C2CD5: variants seen among roughly 807,000 people sequenced by gnomAD.
The protein encoded by C2CD5 is C2 domain-containing protein 5.
Under a neutral mutation model 130.3 loss-of-function variants are expected in C2CD5, and 109 were observed. The observed-to-expected ratio is 0.84, with a 90% CI of 0.72 to 0.98. The LOEUF is 0.98. C2CD5 is among the 50% of genes least tolerant of loss of function. The pLI, the probability that C2CD5 is intolerant of heterozygous loss-of-function variation, is 0.00. For synonymous variants in C2CD5, 454 were observed against 429.2 expected (o/e 1.06, Z -0.71); for missense variants, 996 against 1,261.8 (o/e 0.79, Z 3.19).
intron 15 of C2CD5, 60 bp downstream of exon 15, chr12:22,478,253 C>T: frequency 7.0e-7 from 1 of 1,419,314 alleles, no homozygotes; most frequent in Non-Finnish European, 9.9e-7. Flanking sequence ...ATAAGATAAC[C>T]TAAAAATATA....
intron 10 of C2CD5, among the ~76,000 whole-genome samples, chr12:22,499,966 T>G (rs201170196): frequency 6.6e-6 from 1 of 152,146 alleles, no homozygotes; most frequent in African/African-American, 2.4e-5. Context: ...GGCAGATGGA[T>G]CCCTTGAGGT....
At chr12:22,469,561 C>T (rs1942680723) in intron 22 of C2CD5, 148 bp downstream of exon 22, 1 of 478,604 alleles carries the variant, frequency 2.1e-6, no homozygotes, top group Non-Finnish European at 3.7e-6. Context: ...ACATTAATTT[C>T]TCCCCTTTAT....
Position 22,474,904 on chromosome 12 carries a change from T to C in C2CD5, c.1903-13A>G, listed in dbSNP as rs1407628000. The C allele has an allele frequency of 2.6e-6, 4 of 1,541,524 alleles. No individual in the cohort carries two copies. Among genetic ancestry groups the C allele is most frequent in the Admixed American group, 3.9e-5 (2 of 51,306 alleles). ...CTTCAGATATCTCCTAAAAGAAATA[T>C]AATTGTTTTATATCATATGAGATTG... is the stretch of plus-strand genomic sequence containing the variant. On this transcript the variant is annotated splice_polypyrimidine_tract_variant and intron_variant, in intron 15 of 26. Transcript: ENST00000446597.
rs942904131 is a variant in C2CD5 at position 22,493,158 on chromosome 12, CTT to C, written c.1262+63_1262+64del. 5.4e-5 allele frequency: 48 copies of C among 890,364 alleles called. No homozygotes were observed. In the South Asian group the frequency reaches 5.7e-4, roughly 11 times the overall value. The allele number at this position is 890,364 out of a possible 1,614,324, so 55.2% of individuals were successfully genotyped here. A position where few individuals can be genotyped will look rare whatever the true frequency, so the allele number is the denominator to read the frequency against. On this transcript the variant is annotated intron_variant, in intron 11 of 26. Coordinates refer to ENST00000446597, the MANE Select transcript of C2CD5 (RefSeq NM_001286176.2). ...TCTCTTTTCTTTTATTTGCATGAAG[CTT>C]TTCCCCTTTCAGATGGCAGTCTAAA...
chr12:22,498,570 C>A (rs1324856863), intron 10 of C2CD5, among the ~76,000 whole-genome samples: 1 of 152,110 alleles, frequency 6.6e-6, no homozygotes, highest in Admixed American at 6.6e-5. Context: ...ATTTTCTAAA[C>A]AACTATAATT....
At chr12:22,489,501 A>G (rs1190744201) in intron 12 of C2CD5, among the ~76,000 whole-genome samples, 6 of 152,090 alleles carry the variant, frequency 3.9e-5, no homozygotes, top group Non-Finnish European at 8.8e-5. Flanking sequence ...GAAATGATGA[A>G]CAGGTATTAT....
chr12:22,483,655 G>C (rs886453592), intron 13 of C2CD5, among the ~76,000 whole-genome samples: 3 of 152,062 alleles, frequency 2.0e-5, no homozygotes, highest in Non-Finnish European at 4.4e-5. Flanking sequence ...GAAGGTCTAA[G>C]ATTCAAGAGG....
intron 3 of C2CD5, among the ~76,000 whole-genome samples, chr12:22,529,995 A>G (rs965686567): frequency 6.6e-6 from 1 of 150,838 alleles, no homozygotes; most frequent in African/African-American, 2.4e-5. Context: ...GAGCAACCAC[A>G]CTACCCTTAC....
Position 22,540,841 on chromosome 12 carries a change from A to G in C2CD5, c.90+3220T>C, listed in dbSNP as rs1030313748. The stretch of plus-strand genomic sequence containing the variant: ...GCCACTACACTCCAGCCTGGGTGAA[A>G]GAGCAAGACTCTATCTCAAAAAAAT... On this transcript the variant is annotated intron_variant, in intron 2 of 26. Transcript: ENST00000446597. Among the ~76,000 whole-genome samples, 4 of 152,240 alleles carry G rather than the reference A, an allele frequency of 2.6e-5. No homozygotes were observed. The South Asian group carries it at 8.3e-4, about 31-fold the overall frequency.
chr12:22,514,282 C>G (rs1237302733), intron 8 of C2CD5, among the ~76,000 whole-genome samples: 2 of 152,110 alleles, frequency 1.3e-5, no homozygotes, highest in African/African-American at 2.4e-5. Context: ...TTAACTTTTA[C>G]ATTTTTAGCT....
rs748157713 is a variant in C2CD5 at position 22,513,357 on chromosome 12, T to C, written c.975A>G (p.Gly325=). ...GAGCTTTAAAGGGCCCCCCTTCTTT[T>C]CCAGCACTACCACTTCCCATTCCTA... ...PKTGMGSGSA[G]KEGGPFKALL... is the part of the protein sequence containing the mutation. Residue 325 remains glycine, a synonymous_variant, in exon 9 of 27, where the codon GGA becomes GGG. Coordinates refer to ENST00000446597, the MANE Select transcript of C2CD5 (RefSeq NM_001286176.2). The C allele has an allele frequency of 3.7e-6, 6 of 1,611,334 alleles. No homozygotes were observed. The African/African-American group carries it at 6.7e-5, about 18-fold the overall frequency.
chr12:22,518,980 C>A, intron 7 of C2CD5: 1 of 680,212 alleles, frequency 1.5e-6, no homozygotes, highest in Non-Finnish European at 2.3e-6. Context: ...TTCCTCACTG[C>A]AGCTGGACTT....
chr12:22,460,884 T>C (rs138936725), intron 22 of C2CD5, among the ~76,000 whole-genome samples: 257 of 152,174 alleles, frequency 1.7e-3, no homozygotes, highest in African/African-American at 5.8e-3. Flanking sequence ...TGGCCCACAG[T>C]TTTCATAAAG....
chr12:22,455,658 G>A (rs1056232947), intron 25 of C2CD5, among the ~76,000 whole-genome samples: 2 of 151,974 alleles, frequency 1.3e-5, no homozygotes, highest in African/African-American at 2.4e-5. Flanking sequence ...TCATCTTAAC[G>A]TAATTAAGAG....
intron 3 of C2CD5, among the ~76,000 whole-genome samples, chr12:22,533,069 G>A (rs12314942): frequency 0.16 from 23,955 of 152,080 alleles, 3,804 homozygotes; most frequent in African/African-American, 0.41. Flanking sequence ...TCTTCTGGGC[G>A]TTGAGGACAT....
chr12:22,525,078 T>C (rs1950609118), intron 5 of C2CD5, among the ~76,000 whole-genome samples: 1 of 152,206 alleles, frequency 6.6e-6, no homozygotes, highest in Admixed American at 6.5e-5. Flanking sequence ...ACCATTACCT[T>C]TCTGACATAA....
At chr12:22,509,383 T>C (rs1324330251) in intron 9 of C2CD5, among the ~76,000 whole-genome samples, 1 of 152,160 alleles carries the variant, frequency 6.6e-6, no homozygotes, top group Non-Finnish European at 1.5e-5. Flanking sequence ...CCCAAAGTTC[T>C]TTGTTTGGGA....
intron 25 of C2CD5, among the ~76,000 whole-genome samples, chr12:22,455,964 C>T (rs1246573594): frequency 6.6e-6 from 1 of 152,138 alleles, no homozygotes; most frequent in African/African-American, 2.4e-5. Context: ...AGAATATAGG[C>T]GTGAGCCACT....
intron 23 of C2CD5, 92 bp downstream of exon 23, chr12:22,459,400 C>A: frequency 2.6e-6 from 2 of 770,446 alleles, no homozygotes; most frequent in Non-Finnish European, 4.4e-6. Flanking sequence ...CCATATTGTC[C>A]AGTGCATTTT....
Sources: allele counts gnomAD v4.1 joint callset (sites outside exome capture counted in the v4.1 genomes callset), GRCh38; gene constraint gnomAD v4.1.1; transcripts MANE v1.5; gene names NCBI Gene and HGNC (gene_info 2026-07-23, HGNC 2026-07-21).